The following RASGRF2 variants were observed in gnomAD, a reference collection of about 807,000 sequenced individuals.
The protein encoded by RASGRF2 is Ras protein specific guanine nucleotide releasing factor 2, also known as ras-specific guanine nucleotide-releasing factor 2.
A neutral mutation model predicts 151.0 loss-of-function variants in RASGRF2; 76 were observed. The ratio of observed to expected loss-of-function variants is 0.50; its 90% CI spans 0.42 to 0.61. RASGRF2 has a LOEUF of 0.61. Ranked by LOEUF, RASGRF2 falls within the 20% of genes least tolerant of loss-of-function variation. The pLI is 0.00. For synonymous variants in RASGRF2, 504 were observed against 566.5 expected (o/e 0.89, Z 1.57); for missense variants, 1,148 against 1,564.6 (o/e 0.73, Z 4.49).
chr5:81,197,582 A>G (rs1755295837), intron 18 of RASGRF2, among the ~76,000 whole-genome samples: 1 of 152,186 alleles, frequency 6.6e-6, no homozygotes, highest in African/African-American at 2.4e-5. Flanking sequence ...ATTGTCTACA[A>G]TTTGTGAAAT....
At position 81,094,314 on chromosome 5, in the gene RASGRF2, C is replaced by G; in HGVS notation, c.1570C>G (p.Leu524Val). 6.2e-7 allele frequency: 1 copy of G among 1,613,516 alleles called. No individual in the cohort carries two copies. Among genetic ancestry groups the G allele is most frequent in the Non-Finnish European group, 8.5e-7 (1 of 1,179,896 alleles). ...HLLKTGGVLSLIDCTLIEEPD... is the reference protein window; with the variant it reads ...HLLKTGGVLSVIDCTLIEEPD... ...TTTCCAGACAGGTGGGGTTCTGTCT[C>G]TAATAGACTGCACATTGATTGAGGA... Residue 524 changes from leucine (L) to valine (V), a missense_variant, in exon 11 of 27, where the codon CTA becomes GTA. Around this residue, in one of 5 missense-constraint regions of RASGRF2, gnomAD observed 646 missense variants for 807.4 expected, o/e 0.80. Transcript: ENST00000265080.
chr5:81,083,770 C>A (rs1752152991), intron 7 of RASGRF2, among the ~76,000 whole-genome samples: 1 of 152,150 alleles, frequency 6.6e-6, no homozygotes, highest in Non-Finnish European at 1.5e-5. Context: ...GAAATCTGCT[C>A]CTGACAAGAA....
chr5:81,134,400 T>C (rs1753704013), intron 17 of RASGRF2, among the ~76,000 whole-genome samples: 1 of 152,128 alleles, frequency 6.6e-6, no homozygotes, highest in South Asian at 2.1e-4. Flanking sequence ...TGCATCACCT[T>C]GGACGGTTTC....
chr5:81,076,426 G>C (rs187967261), intron 5 of RASGRF2, among the ~76,000 whole-genome samples: 3 of 152,382 alleles, frequency 2.0e-5, no homozygotes, highest in East Asian at 3.9e-4. Context: ...GGACACTTCT[G>C]TAGTTAGGAG....
At chr5:81,220,413 A>G (rs2124889) in intron 26 of RASGRF2, among the ~76,000 whole-genome samples, 1 of 152,216 alleles carries the variant, frequency 6.6e-6, no homozygotes, top group Non-Finnish European at 1.5e-5. Context: ...TATACCTCAC[A>G]GCCAATGTCC....
chr5:81,157,472 T>C (rs1754289529), intron 17 of RASGRF2, among the ~76,000 whole-genome samples: 1 of 152,140 alleles, frequency 6.6e-6, no homozygotes, highest in Admixed American at 6.5e-5. Flanking sequence ...CCAAGTTCGT[T>C]GACTGGAAGA....
intron 17 of RASGRF2, among the ~76,000 whole-genome samples, chr5:81,153,326 G>A (rs960159205): frequency 2.6e-5 from 4 of 152,186 alleles, no homozygotes; most frequent in African/African-American, 9.7e-5. Context: ...ATTCAGGCAG[G>A]TCCAATATAC....
chr5:80,994,026 T>C (rs72769233), intron 1 of RASGRF2, among the ~76,000 whole-genome samples: 32,350 of 151,846 alleles, frequency 0.21, 4,010 homozygotes, highest in Middle Eastern at 0.41. Flanking sequence ...GGTAAGGAAA[T>C]TCTGCCTTCC....
intron 15 of RASGRF2, among the ~76,000 whole-genome samples, chr5:81,115,059 A>G (rs564789041): frequency 2.0e-5 from 3 of 152,166 alleles, no homozygotes; most frequent in Non-Finnish European, 2.9e-5. Context: ...CTGTATAAGA[A>G]CTGACTTATT....
intron 18 of RASGRF2, among the ~76,000 whole-genome samples, chr5:81,189,938 T>A (rs1755121186): frequency 6.6e-6 from 1 of 151,796 alleles, no homozygotes; most frequent in Non-Finnish European, 1.5e-5. Flanking sequence ...GGTCTCGAAC[T>A]CCTGACCTTG....
intron 1 of RASGRF2, among the ~76,000 whole-genome samples, chr5:81,014,463 A>C (rs1222877193): frequency 6.6e-6 from 1 of 152,148 alleles, no homozygotes; most frequent in Non-Finnish European, 1.5e-5. Context: ...ATCTCGCGAA[A>C]CTTATCCATT....
chr5:81,006,034 T>C (rs929796841), intron 1 of RASGRF2, among the ~76,000 whole-genome samples: 16 of 152,226 alleles, frequency 1.1e-4, no homozygotes, highest in Non-Finnish European at 7.3e-5. Flanking sequence ...CTGAGTGAGA[T>C]TGAAAGGCTT....
At chr5:81,206,736 A>T in intron 19 of RASGRF2, 109 bp from the exon 20 acceptor site, 2 of 868,674 alleles carry the variant, frequency 2.3e-6, no homozygotes, top group Non-Finnish European at 3.9e-6. Context: ...GGCCTTGTAG[A>T]CCCAAATCCT....
At chr5:81,013,484 C>T (rs1401132339) in intron 1 of RASGRF2, among the ~76,000 whole-genome samples, 3 of 151,960 alleles carry the variant, frequency 2.0e-5, no homozygotes, top group Admixed American at 6.6e-5. Flanking sequence ...TGCCCTCATG[C>T]GAAAAGCTAT....
chr5:81,219,628 C>T, intron 25 of RASGRF2, 82 bp from the exon 26 acceptor site: 2 of 1,203,702 alleles, frequency 1.7e-6, no homozygotes, highest in Non-Finnish European at 2.4e-6. Flanking sequence ...GGGAAGAGGC[C>T]TCAGAAGAAT....
In RASGRF2 at chr5:81,229,005, C is replaced by G. The variant is rs1320921411; in HGVS notation, c.*3235C>G. On this transcript the variant is annotated 3_prime_UTR_variant, in exon 27 of 27. Transcript: ENST00000265080. ...TGGAGTGAATAATGATGGATCAGCACCCTTTCTCTCATGTTATTGTATAAG... is the reference window on the plus strand; with the variant it reads ...TGGAGTGAATAATGATGGATCAGCAGCCTTTCTCTCATGTTATTGTATAAG... The G allele has an allele frequency of 6.6e-6, 1 of 152,104 alleles. No homozygotes were observed. Among genetic ancestry groups the G allele is most frequent in the Non-Finnish European group, 1.5e-5 (1 of 68,022 alleles). The allele number at this position is 152,104 out of a possible 1,614,324, so 9.4% of individuals were successfully genotyped here.
intron 17 of RASGRF2, among the ~76,000 whole-genome samples, chr5:81,135,565 C>T (rs10474026): frequency 0.041 from 6,172 of 152,208 alleles, 426 homozygotes; most frequent in African/African-American, 0.14. Context: ...CTTTTACTAG[C>T]GTAATGTTTT....
intron 1 of RASGRF2, among the ~76,000 whole-genome samples, chr5:80,996,250 A>G (rs1258671771): frequency 6.6e-6 from 1 of 152,146 alleles, no homozygotes; most frequent in African/African-American, 2.4e-5. Context: ...AAATAACCAC[A>G]TAAACTGTAA....
At chr5:81,165,387 C>T (rs76306262) in intron 17 of RASGRF2, among the ~76,000 whole-genome samples, 3,675 of 152,220 alleles carry the variant, frequency 0.024, 138 homozygotes, top group African/African-American at 0.081. Context: ...ACAGTTGGAC[C>T]GAGTCCCTAC....
Sources: gnomAD v4.1 joint callset for allele counts (sites outside exome capture counted in the v4.1 genomes callset) on GRCh38, gnomAD v4.1.1 for gene constraint, gnomAD v4.1.1 regional missense constraint, MANE v1.5 for transcripts, NCBI Gene and HGNC (gene_info 2026-07-23, HGNC 2026-07-21) for gene names.